The following COQ7 variants were observed in gnomAD, a reference collection of about 807,000 sequenced individuals.
COQ7 encodes coenzyme Q7, hydroxylase, also known as NADPH-dependent 3-demethoxyubiquinone 3-hydroxylase, mitochondrial.
In COQ7, 21 loss-of-function variants were observed where a neutral mutation model predicts 25.0. That is an observed-to-expected ratio of 0.84 (90% CI 0.60 to 1.21). The LOEUF (loss-of-function observed/expected upper bound fraction) is 1.21. Among genes scored for constraint, COQ7 ranks in the 50% most tolerant of loss-of-function variants. The pLI is 0.00. For missense variants in COQ7, 311 were observed against 296.2 expected, an observed-to-expected ratio of 1.05 and a Z score of -0.37; for synonymous variants, 125 against 112.4, an observed-to-expected ratio of 1.11 and a Z score of -0.71.
At chr16:19,082,641 G>A (rs373762595), downstream of COQ7, among the ~76,000 whole-genome samples, 1 of 151,908 alleles carries the variant, frequency 6.6e-6, no homozygotes, top group South Asian at 2.1e-4. Context: ...AAAATTAGCC[G>A]GGCGTAGTCC....
downstream of COQ7, among the ~76,000 whole-genome samples, chr16:19,081,780 A>C (rs1429133639): frequency 6.6e-6 from 1 of 152,258 alleles, no homozygotes; most frequent in Non-Finnish European, 1.5e-5. Flanking sequence ...TTCAAAACTT[A>C]TCACACTTGT....
intron 1 of COQ7, 57 bp downstream of exon 1, chr16:19,067,794 C>A: frequency 6.4e-7 from 1 of 1,573,756 alleles, no homozygotes; most frequent in Non-Finnish European, 8.5e-7. Context: ...AGGGAATTTT[C>A]GCTTGAGGTT....
chr16:19,069,592 G>A (rs915004032), intron 1 of COQ7, among the ~76,000 whole-genome samples: 1 of 151,814 alleles, frequency 6.6e-6, no homozygotes, highest in Non-Finnish European at 1.5e-5. Flanking sequence ...TGAATTTTTG[G>A]TAGAGACGGG....
At chr16:19,073,799 G>A in intron 2 of COQ7, 122 bp from the exon 3 acceptor site, 2 of 665,330 alleles carry the variant, frequency 3.0e-6, no homozygotes, top group East Asian at 5.5e-5. Flanking sequence ...GTTTTGAGGG[G>A]AATGGGGGAG....
chr16:19,075,904 T>C (rs1276911405), intron 4 of COQ7, 44 bp downstream of exon 4: 1 of 1,613,048 alleles, frequency 6.2e-7, no homozygotes, highest in African/African-American at 1.3e-5. Flanking sequence ...AGGAGGAAAA[T>C]GGCAGATAGC....
chr16:19,070,585 G>A (rs1424831938), intron 1 of COQ7, among the ~76,000 whole-genome samples: 2 of 151,882 alleles, frequency 1.3e-5, no homozygotes, highest in East Asian at 3.9e-4. Flanking sequence ...ATATAAAAAT[G>A]TAGCTGGGCA....
At chr16:19,068,494 A>G (rs1962361168) in intron 1 of COQ7, 1 of 714,096 alleles carries the variant, frequency 1.4e-6, no homozygotes, top group Non-Finnish European at 1.7e-6. Context: ...TCTACTAAAA[A>G]TACAAAAATT....
chr16:19,073,875 G>A, intron 2 of COQ7, 46 bp from the exon 3 acceptor site: 2 of 1,398,496 alleles, frequency 1.4e-6, no homozygotes, highest in South Asian at 1.2e-5. Flanking sequence ...TGAGTGGGAG[G>A]CCTCTATGGA....
intron 1 of COQ7, among the ~76,000 whole-genome samples, chr16:19,071,162 G>C (rs1471439912): frequency 6.6e-6 from 1 of 152,098 alleles, no homozygotes; most frequent in African/African-American, 2.4e-5. Context: ...TTTAGACAGA[G>C]TCTCACTCTG....
Position 19,074,231 on chromosome 16 carries a change from C to CT in COQ7, c.367+199dup, listed in dbSNP as rs544336203. ...TTAAGATAGAATCTTAATGTCAGTACTTTAAAAAAAAAGGCCGGGCGTGAT... is the reference window on the plus strand; with the variant it reads ...TTAAGATAGAATCTTAATGTCAGTACTTTTAAAAAAAAAGGCCGGGCGTGAT... On this transcript the variant is annotated intron_variant, in intron 3 of 5. Transcript: ENST00000321998. 7.2e-5 allele frequency: 33 copies of CT among 457,326 alleles called. No homozygotes were observed. In the South Asian group the frequency reaches 9.7e-4, roughly 13 times the overall value. 28.3% of individuals were successfully genotyped at this position (457,326 alleles called of 1,614,324 possible). A position where few individuals can be genotyped will look rare whatever the true frequency, so the allele number is the denominator to read the frequency against.
downstream of COQ7, chr16:19,080,219 G>A (rs1162943314): frequency 3.3e-5 from 5 of 152,112 alleles, no homozygotes; most frequent in African/African-American, 1.2e-4. Flanking sequence ...TAAAAATTGG[G>A]GATGACATTA....
At chr16:19,068,681 AT>A in intron 1 of COQ7, 1 of 227,734 alleles carries the variant, frequency 4.4e-6, no homozygotes, top group Non-Finnish European at 8.9e-6. Context: ...AAAAAAAGAA[AT>A]TTCATGAAGT....
intron 1 of COQ7, 32 bp downstream of exon 1, chr16:19,067,769 C>G: frequency 6.3e-7 from 1 of 1,587,896 alleles, no homozygotes; most frequent in Non-Finnish European, 8.5e-7. Context: ...CAGTCCTGCG[C>G]CGGTCTAGCG....
At chr16:19,081,371 A>C (rs557147635), downstream of COQ7, among the ~76,000 whole-genome samples, 6 of 152,322 alleles carry the variant, frequency 3.9e-5, no homozygotes, top group Admixed American at 1.3e-4. Flanking sequence ...CCTTTAAGGA[A>C]TCAAGCTTGA....
chr16:19,080,559 T>C (rs916101091), downstream of COQ7, among the ~76,000 whole-genome samples: 2 of 152,122 alleles, frequency 1.3e-5, no homozygotes, highest in Admixed American at 6.6e-5. Context: ...GACCCCTAAC[T>C]TTTGGATGCC....
chr16:19,072,170 T>G, intron 2 of COQ7, 64 bp downstream of exon 2: 1 of 1,586,278 alleles, frequency 6.3e-7, no homozygotes, highest in Non-Finnish European at 8.6e-7. Context: ...GGACTTCAAG[T>G]AATGAATCAT....
chr16:19,071,819 A>G (rs1217890605), intron 1 of COQ7, 109 bp from the exon 2 acceptor site: 1 of 1,223,160 alleles, frequency 8.2e-7, no homozygotes, highest in Non-Finnish European at 1.2e-6. Context: ...CGCCTGGCCC[A>G]TGGGGAACTG....
Position 19,075,863 on chromosome 16 carries a change from A to G in COQ7, c.507+3A>G. 1 of 1,614,164 alleles carries G rather than the reference A, an allele frequency of 6.2e-7. No individual in the cohort carries two copies. The highest frequency in any genetic ancestry group is 8.5e-7 in the Non-Finnish European group (1 of 1,180,004). On this transcript the variant is annotated splice_donor_region_variant and intron_variant, in intron 4 of 5. Coordinates refer to ENST00000321998, the MANE Select transcript of COQ7 (RefSeq NM_016138.5). ...AAAAATACGAGGAACTTCTTCAGGTATTTATCCGTGCTCTAGAACGGGGCT... is the reference window on the plus strand; with the variant it reads ...AAAAATACGAGGAACTTCTTCAGGTGTTTATCCGTGCTCTAGAACGGGGCT...
rs780369090 is a variant in COQ7 at position 19,071,961 on chromosome 16, G to C, written c.107G>C (p.Ser36Thr). The C allele has an allele frequency of 1.4e-5, 22 of 1,614,132 alleles. No homozygotes were observed. Among genetic ancestry groups the C allele is most frequent in the Non-Finnish European group, 1.4e-5 (16 of 1,180,060 alleles). The change falls in exon 2 of 6, where the codon AGT becomes ACT. Residue 36 changes from serine to threonine, a missense_variant. Coordinates refer to ENST00000321998, the MANE Select transcript of COQ7 (RefSeq NM_016138.5). ...YGRRTSVRFR[S>T]SGMTLDNISR... ...AGAAGAACCAGTGTCAGATTTCGCA[G>C]TTCAGGAATGACTTTAGACAATATC...
Sources: gnomAD v4.1 joint callset for allele counts (sites outside exome capture counted in the v4.1 genomes callset) on GRCh38, gnomAD v4.1.1 for gene constraint, MANE v1.5 for transcripts, NCBI Gene and HGNC (gene_info 2026-07-23, HGNC 2026-07-21) for gene names.